FRK: variants seen among roughly 807,000 people sequenced by gnomAD.
FRK encodes the protein tyrosine-protein kinase FRK.
In FRK, 51 loss-of-function variants were observed where a neutral mutation model predicts 56.4. That is an observed-to-expected ratio of 0.90 (90% CI 0.72 to 1.14). FRK has a LOEUF of 1.14. Ranked by LOEUF, FRK falls within the 50% of genes most tolerant of loss-of-function variation. The probability of loss-of-function intolerance (pLI) is 0.00; values close to 1 mark genes in which losing one functional copy is unlikely to be tolerated. For missense variants in FRK, 570 were observed against 601.4 expected (o/e 0.95, Z 0.55); for synonymous variants, 245 against 217.9 (o/e 1.12, Z -1.10).
intron 2 of FRK, among the ~76,000 whole-genome samples, chr6:116,000,885 T>C (rs544491483): frequency 6.6e-6 from 1 of 152,214 alleles, no homozygotes; most frequent in Admixed American, 6.5e-5. Context: ...CTAAAAGTAA[T>C]AGAAGAATAT....
chr6:116,041,306 C>T (rs1267036598), intron 1 of FRK, among the ~76,000 whole-genome samples: 1 of 152,124 alleles, frequency 6.6e-6, no homozygotes, highest in Admixed American at 6.5e-5. Context: ...TAAGGCTAAA[C>T]AGAGGAATAC....
At chr6:116,006,202 T>G (rs1017769126) in intron 1 of FRK, among the ~76,000 whole-genome samples, 7 of 152,148 alleles carry the variant, frequency 4.6e-5, no homozygotes, top group African/African-American at 1.7e-4. Flanking sequence ...AAAATTGGCA[T>G]AGGATATGAT....
chr6:116,093,611 C>T, the FRK span, among the ~76,000 whole-genome samples: 13 of 152,334 alleles, frequency 8.5e-5, no homozygotes, highest in African/African-American at 2.9e-4. Flanking sequence ...AAGCCATCCC[C>T]AGTATGGATC....
chr6:115,943,063 G>T lies in FRK; in HGVS notation c.1263C>A (p.Ile421=), dbSNP rs770537162. The T allele has an allele frequency of 8.7e-6, 14 of 1,612,984 alleles. 1 individual carries two copies. The African/African-American group carries it at 1.9e-4, about 22-fold the overall frequency. ...CATAAGTAATGATTTCATAAAGAAG[G>T]ATTCCAAATGACCATACATCGGACT... ...SIKSDVWSFG[I]LLYEIITYGK... The change falls in exon 7 of 8, where the codon ATC becomes ATA. Residue 421 remains isoleucine, a synonymous_variant. Transcript: ENST00000606080.
chr6:116,097,337 A>G, the FRK span, among the ~76,000 whole-genome samples: 1 of 152,180 alleles, frequency 6.6e-6, no homozygotes, highest in African/African-American at 2.4e-5. Context: ...AAAGAATTAT[A>G]TGTGCCACAG....
intron 1 of FRK, among the ~76,000 whole-genome samples, chr6:116,012,207 C>A (rs759745374): frequency 6.8e-4 from 103 of 152,172 alleles, no homozygotes; most frequent in Non-Finnish European, 1.2e-3. Context: ...CTTGCTCACA[C>A]CACCACCACT....
the FRK span, among the ~76,000 whole-genome samples, chr6:116,081,448 G>A: frequency 6.6e-6 from 1 of 152,130 alleles, no homozygotes; most frequent in African/African-American, 2.4e-5. Flanking sequence ...CCTGAGGTCA[G>A]GAGTTTCAGA....
At chr6:116,003,136 A>G (rs538627216) in intron 2 of FRK, among the ~76,000 whole-genome samples, 1 of 152,298 alleles carries the variant, frequency 6.6e-6, no homozygotes, top group Non-Finnish European at 1.5e-5. Context: ...AATAATACGT[A>G]TTTAAAGGGG....
At chr6:115,975,143 C>T (rs774754393) in intron 2 of FRK, among the ~76,000 whole-genome samples, 17 of 151,478 alleles carry the variant, frequency 1.1e-4, no homozygotes, top group Non-Finnish European at 2.2e-4. Flanking sequence ...TTTAAAATGG[C>T]AAAAATAAAA....
At position 115,944,402 on chromosome 6, in the gene FRK, G is replaced by C; in HGVS notation, c.982C>G (p.Leu328Val). 1.2e-6 allele frequency: 2 copies of C among 1,608,142 alleles called. No individual in the cohort carries two copies. Among genetic ancestry groups the C allele is most frequent in the South Asian group, 1.1e-5 (1 of 89,660 alleles). ...LQNDTGSKIHLTQQVDMAAQV... is the reference protein window; with the variant it reads ...LQNDTGSKIHVTQQVDMAAQV... The stretch of plus-strand genomic sequence containing the variant: ...GCCGCCATGTCTACCTGTTGAGTCA[G>C]ATGGATTTTTGATCCAGTGTCATCT... Residue 328 changes from leucine to valine, a missense_variant, in exon 6 of 8, where the codon CTG becomes GTG. Physicochemically the swap from Leu to Val is conservative, Grantham distance 32. Transcript: ENST00000606080.
intron 1 of FRK, among the ~76,000 whole-genome samples, chr6:116,007,639 T>C (rs1380412242): frequency 6.6e-6 from 1 of 152,210 alleles, no homozygotes; most frequent in Admixed American, 6.5e-5. Flanking sequence ...AGATAAGAAA[T>C]AATATACCAA....
the FRK span, among the ~76,000 whole-genome samples, chr6:116,096,208 G>A: frequency 6.6e-6 from 1 of 152,178 alleles, no homozygotes; most frequent in African/African-American, 2.4e-5. Flanking sequence ...CTAGAGGACA[G>A]TACAACTGTA....
rs561273499 is a variant in FRK, at chr6:116,000,223, C to CTTTTTTTT, written c.466+3646_466+3653dup. On this transcript the variant is annotated intron_variant, in intron 2 of 7. Transcript: ENST00000606080. Reference sequence around the variant, plus strand: ...TTTCCTCATGAAAATATCATTCTTTCTTTTTTTTTTTTTTTTTTTTTTTTT... The same window carrying CTTTTTTTT: ...TTTCCTCATGAAAATATCATTCTTTCTTTTTTTTTTTTTTTTTTTTTTTTTTTTTTTTT... Among the ~76,000 whole-genome samples, 315 of 53,046 alleles carry CTTTTTTTT rather than the reference C, an allele frequency of 5.9e-3. 57 individuals are homozygous for CTTTTTTTT. The highest frequency in any genetic ancestry group is 0.011 in the African/African-American group (123 of 11,090). 34.8% of individuals were successfully genotyped at this position (53,046 alleles called of 152,430 possible).
chr6:115,967,512 A>G, intron 4 of FRK, 39 bp downstream of exon 4: 1 of 1,594,254 alleles, frequency 6.3e-7, no homozygotes, highest in Non-Finnish European at 8.6e-7. Flanking sequence ...GAGCTCATAA[A>G]AATCAACATA....
At chr6:116,039,219 C>T in intron 1 of FRK, 1 of 1,471,400 alleles carries the variant, frequency 6.8e-7, no homozygotes, top group Non-Finnish European at 9.5e-7. Flanking sequence ...ACGTGAAGGA[C>T]TGGAGCAAGG....
rs577675081 is a variant in FRK at position 115,938,687 on chromosome 6, T to G, written c.*3727A>C. On this transcript the variant is annotated 3_prime_UTR_variant, in exon 8 of 8. Coordinates refer to ENST00000606080, the MANE Select transcript of FRK (RefSeq NM_002031.3). ...TACAAAATACCATCAGAGATTACTA[T>G]AAATACCTCTAAGCAAATAAACTAG... The G allele has an allele frequency of 6.6e-6, 1 of 152,246 alleles. No individual in the cohort carries two copies. The highest frequency in any genetic ancestry group is 2.4e-5 in the African/African-American group (1 of 41,542). The allele number at this position is 152,246 out of a possible 1,614,324, so 9.4% of individuals were successfully genotyped here.
intron 1 of FRK, among the ~76,000 whole-genome samples, chr6:116,054,450 C>CAATAT (rs1288853539): frequency 2.1e-5 from 3 of 140,190 alleles, no homozygotes; most frequent in Non-Finnish European, 3.1e-5. Context: ...ATTATTTATA[C>CAATAT]TATATTATAT....
chr6:115,946,046 C>T (rs1772436176), intron 5 of FRK, among the ~76,000 whole-genome samples: 1 of 152,028 alleles, frequency 6.6e-6, no homozygotes, highest in Admixed American at 6.6e-5. Flanking sequence ...GATTTAGCTG[C>T]CATACTGTTG....
intron 2 of FRK, among the ~76,000 whole-genome samples, chr6:115,996,197 T>G (rs575972062): frequency 6.6e-6 from 1 of 152,164 alleles, no homozygotes; most frequent in African/African-American, 2.4e-5. Flanking sequence ...GACATACAAT[T>G]GTCTTTACAT....
Sources: gnomAD v4.1 joint callset for allele counts (sites outside exome capture counted in the v4.1 genomes callset) on GRCh38, gnomAD v4.1.1 for gene constraint, MANE v1.5 for transcripts, NCBI Gene and HGNC (gene_info 2026-07-23, HGNC 2026-07-21) for gene names.